Variants in RBFOX3 observed in about 807,000 individuals in gnomAD.
RBFOX3 encodes the protein RNA binding fox-1 homolog 3.
In RBFOX3, 17 loss-of-function variants were observed where a neutral mutation model predicts 48.7. That is an observed-to-expected ratio of 0.35 (90% CI 0.24 to 0.52). RBFOX3 has a LOEUF of 0.52. RBFOX3 is among the 20% of genes least tolerant of loss of function. The pLI, the probability that RBFOX3 is intolerant of heterozygous loss-of-function variation, is 0.94. For synonymous variants in RBFOX3, 212 were observed against 209.5 expected (o/e 1.01, Z -0.10); for missense variants, 382 against 497.5 (o/e 0.77, Z 2.21).
At chr17:79,144,892 G>A (rs1301861016) in intron 4 of RBFOX3, among the ~76,000 whole-genome samples, 1 of 152,166 alleles carries the variant, frequency 6.6e-6, no homozygotes, top group African/African-American at 2.4e-5. Context: ...GGGGCAGACG[G>A]GCCGCTGCCT....
intron 1 of RBFOX3, among the ~76,000 whole-genome samples, chr17:79,559,327 G>A (rs1330550006): frequency 6.6e-6 from 1 of 151,788 alleles, no homozygotes; most frequent in African/African-American, 2.4e-5. Flanking sequence ...ATAGGTGAGT[G>A]GCAGTTGAGG....
At position 79,334,621 on chromosome 17, in the gene RBFOX3, G is replaced by A. The variant is rs113210089; in HGVS notation, c.-174-26797C>T. On this transcript the variant is annotated intron_variant, in intron 2 of 14. Coordinates refer to ENST00000693108, the MANE Select transcript of RBFOX3 (RefSeq NM_001350451.2). Reference sequence around the variant, plus strand: ...TGCAACCATTTCAGGAGGCTCATGGGCCAACTGGAGCCCATCTGTGAGGCC... The same window carrying A: ...TGCAACCATTTCAGGAGGCTCATGGACCAACTGGAGCCCATCTGTGAGGCC... Among the ~76,000 whole-genome samples the A allele has an allele frequency of 8.8e-4, 134 of 152,310 alleles. 1 individual carries two copies. The highest frequency in any genetic ancestry group is 3.2e-3 in the African/African-American group (131 of 41,566).
chr17:79,363,708 C>T lies in RBFOX3; in HGVS notation c.-174-55884G>A, dbSNP rs2057326017. Among the ~76,000 whole-genome samples the T allele has an allele frequency of 6.6e-6, 1 of 151,976 alleles. No individual in the cohort carries two copies. Among genetic ancestry groups the T allele is most frequent in the African/African-American group, 2.4e-5 (1 of 41,356 alleles). Reference sequence around the variant, plus strand: ...AGGTGTTTCAGGGACCTCCGACACGCCTCCAGAGCCCCCAACACCTCCAGA... The same window carrying T: ...AGGTGTTTCAGGGACCTCCGACACGTCTCCAGAGCCCCCAACACCTCCAGA... On this transcript the variant is annotated intron_variant, in intron 2 of 14. Coordinates refer to ENST00000693108, the MANE Select transcript of RBFOX3 (RefSeq NM_001350451.2). The surrounding 1 kb of genome is among the most constrained non-coding windows in gnomAD (Gnocchi z 4.7).
In RBFOX3 at chr17:79,179,909, G is replaced by A. The variant is rs759023287; in HGVS notation, c.-34+55857C>T. ...TCAGATGTTGGGGGACCACGGCACG[G>A]GGCTACCCTTCAGGGAGCTAGGCCG... On this transcript the variant is annotated intron_variant, in intron 4 of 14. Transcript: ENST00000693108. 6.1e-4 allele frequency among the ~76,000 whole-genome samples: 93 copies of A among 152,336 alleles called. 1 individual carries two copies. The highest frequency in any genetic ancestry group is 2.2e-3 in the African/African-American group (91 of 41,578).
intron 1 of RBFOX3, among the ~76,000 whole-genome samples, chr17:79,567,506 G>C (rs1207591117): frequency 2.0e-5 from 3 of 152,050 alleles, no homozygotes; most frequent in Non-Finnish European, 4.4e-5. Context: ...TTCTGTGCCT[G>C]GCTTATTTCA....
chr17:79,438,102 G>GCACA (rs1383021963), intron 2 of RBFOX3, among the ~76,000 whole-genome samples: 25 of 20,140 alleles, frequency 1.2e-3, no homozygotes, highest in African/African-American at 2.4e-3. Flanking sequence ...AGGTGCACAG[G>GCACA]CGCACACACA....
At chr17:79,453,609 T>C (rs2073954265) in intron 2 of RBFOX3, among the ~76,000 whole-genome samples, 1 of 152,180 alleles carries the variant, frequency 6.6e-6, no homozygotes, top group Non-Finnish European at 1.5e-5. Context: ...TTTAAGAGTG[T>C]GCAGAAGAGT....
intron 1 of RBFOX3, among the ~76,000 whole-genome samples, chr17:79,519,550 A>G (rs2085758849): frequency 6.6e-6 from 1 of 150,714 alleles, no homozygotes; most frequent in South Asian, 2.1e-4. Flanking sequence ...TGTCCTGTCC[A>G]TGCTGTCAGG....
At chr17:79,448,817 T>C (rs1349808531) in intron 2 of RBFOX3, among the ~76,000 whole-genome samples, 10 of 152,002 alleles carry the variant, frequency 6.6e-5, no homozygotes, top group Admixed American at 6.6e-4. Context: ...AAGTAGGCCA[T>C]CTCCCTCTCC....
chr17:79,419,004 A>G (rs1983283), intron 2 of RBFOX3, among the ~76,000 whole-genome samples: 152,062 of 152,340 alleles, frequency 1, 75,893 homozygotes, highest in Middle Eastern at 1. Flanking sequence ...TGCTGGTGTC[A>G]AGGGACCGTA....
At chr17:79,259,747 G>T (rs1191439205) in intron 3 of RBFOX3, among the ~76,000 whole-genome samples, 1 of 152,140 alleles carries the variant, frequency 6.6e-6, no homozygotes, top group East Asian at 1.9e-4. Context: ...GGCTCGGTGT[G>T]GCCTGGGTGT....
At chr17:79,663,918 T>C in the RBFOX3 span, among the ~76,000 whole-genome samples, 1 of 152,102 alleles carries the variant, frequency 6.6e-6, no homozygotes, top group Non-Finnish European at 1.5e-5. Flanking sequence ...AGTATAAAGC[T>C]TGGGAGAGAA....
intron 3 of RBFOX3, among the ~76,000 whole-genome samples, chr17:79,260,119 C>A (rs1481530183): frequency 6.6e-6 from 1 of 152,018 alleles, no homozygotes; most frequent in African/African-American, 2.4e-5. Flanking sequence ...ACTTACTGAG[C>A]ACCCCTGGGC....
chr17:79,124,943 C>T (rs559272279), intron 4 of RBFOX3, among the ~76,000 whole-genome samples: 1 of 139,368 alleles, frequency 7.2e-6, no homozygotes. Flanking sequence ...GTCCACGACT[C>T]TCCCCACTCC....
chr17:79,450,985 G>A (rs927706137), intron 2 of RBFOX3, among the ~76,000 whole-genome samples: 5 of 152,188 alleles, frequency 3.3e-5, no homozygotes, highest in African/African-American at 1.2e-4. Flanking sequence ...CAATTAGAAG[G>A]GGGTGCAGCA....
At chr17:79,126,091 C>T (rs1290198704) in intron 4 of RBFOX3, among the ~76,000 whole-genome samples, 1 of 152,232 alleles carries the variant, frequency 6.6e-6, no homozygotes, top group East Asian at 1.9e-4. Context: ...GCTATGTGTT[C>T]CGTGAGCAGG....
At chr17:79,499,804 G>A (rs2082136439) in intron 1 of RBFOX3, among the ~76,000 whole-genome samples, 1 of 152,198 alleles carries the variant, frequency 6.6e-6, no homozygotes, top group African/African-American at 2.4e-5. Flanking sequence ...ATATACAGTG[G>A]TGGCCATTAT....
chr17:79,463,505 G>A lies in RBFOX3; in HGVS notation c.-175+18949C>T, dbSNP rs797037145. On this transcript the variant is annotated intron_variant, in intron 2 of 14. Transcript: ENST00000693108. ...TGCCATCGCCACTGCCACTGCCATC[G>A]CCACTGCCACCTCCACCATCGCCAC... Among the ~76,000 whole-genome samples the A allele has an allele frequency of 5.6e-3, 271 of 48,416 alleles. 4 individuals carry two copies. The highest frequency in any genetic ancestry group is 0.018 in the African/African-American group (252 of 13,780). 31.8% of individuals were successfully genotyped at this position (48,416 alleles called of 152,430 possible). A position where few individuals can be genotyped will look rare whatever the true frequency, so the allele number is the denominator to read the frequency against.
In RBFOX3 at chr17:79,482,444, G is replaced by T. The variant is rs2149491988; in HGVS notation, c.-175+10C>A. On this transcript the variant is annotated intron_variant, in intron 2 of 14. Transcript: ENST00000693108. This position sits in a 1 kb window ranked among gnomAD's most constrained non-coding sequence, Gnocchi z 4.1. ...GGGATGGGCATGGCGGACAGGTGGG[G>T]CCGCCTTACCTGGTAGTGGGAGGTG... 1 of 152,346 alleles carries T rather than the reference G, an allele frequency of 6.6e-6. No homozygotes were observed. Among genetic ancestry groups the T allele is most frequent in the East Asian group, 1.9e-4 (1 of 5,172 alleles). 9.4% of individuals were successfully genotyped at this position (152,346 alleles called of 1,614,324 possible).
Sources: gnomAD v4.1 joint callset for allele counts (sites outside exome capture counted in the v4.1 genomes callset) on GRCh38, gnomAD v4.1.1 for gene constraint, Gnocchi (gnomAD v3.1) non-coding constraint, MANE v1.5 for transcripts, NCBI Gene and HGNC (gene_info 2026-07-23, HGNC 2026-07-21) for gene names.